The following ERCC1 variants were observed in gnomAD, a reference collection of about 807,000 sequenced individuals.
ERCC1 encodes ERCC excision repair 1, endonuclease non-catalytic subunit.
A neutral mutation model predicts 37.6 loss-of-function variants in ERCC1; 36 were observed. The ratio of observed to expected loss-of-function variants is 0.96; its 90% CI spans 0.73 to 1.26. The LOEUF is 1.26. Among genes scored for constraint, ERCC1 ranks in the 50% most tolerant of loss-of-function variants. ERCC1 has a pLI of 0.00. For missense variants in ERCC1, 349 were observed against 376.5 expected (o/e 0.93, Z 0.60); for synonymous variants, 156 against 162.1 (o/e 0.96, Z 0.28).
intron 7 of ERCC1, chr19:45,414,614 G>T (rs1371397369): frequency 2.0e-6 from 1 of 497,730 alleles, no homozygotes; most frequent in East Asian, 3.7e-5. Flanking sequence ...ACGGGCCCTT[G>T]TTGAGCCTGG....
At chr19:45,443,846 A>G (rs577829313) in intron 1 of ERCC1, among the ~76,000 whole-genome samples, 2 of 151,780 alleles carry the variant, frequency 1.3e-5, no homozygotes, top group South Asian at 4.2e-4. Context: ...GTGGCCCTGC[A>G]GTTCGGTTCT....
At chr19:45,414,313 T>TA in intron 7 of ERCC1, 1 of 490,984 alleles carries the variant, frequency 2.0e-6, no homozygotes, top group Non-Finnish European at 3.7e-6. Flanking sequence ...CCATCTTTAC[T>TA]AAAAAATACA....
chr19:45,408,494 A>C lies in ERCC1; in HGVS notation c.*1181T>G. ...CAACCTGCTCACCTCAGGGAAGAAG[A>C]AAAAGGAGATGCAGGTGACAGAGGC... On this transcript the variant is annotated 3_prime_UTR_variant, in exon 10 of 10. Transcript: ENST00000300853. 6.2e-7 allele frequency: 1 copy of C among 1,613,936 alleles called. No individual in the cohort carries two copies. The highest frequency in any genetic ancestry group is 8.5e-7 in the Non-Finnish European group (1 of 1,179,942).
At chr19:45,437,004 C>T (rs1974997312) in intron 1 of ERCC1, among the ~76,000 whole-genome samples, 1 of 151,980 alleles carries the variant, frequency 6.6e-6, no homozygotes, top group Admixed American at 6.6e-5. Flanking sequence ...AATCCCAGCA[C>T]TTTGGGAGGC....
At position 45,451,368 on chromosome 19, in the gene ERCC1, G is replaced by T. The variant is rs1469595947; in HGVS notation, c.-8+27368C>A. 2.6e-5 allele frequency among the ~76,000 whole-genome samples: 4 copies of T among 151,656 alleles called. No individual in the cohort carries two copies. The East Asian group carries it at 7.9e-4, about 30-fold the overall frequency. On this transcript the variant is annotated intron_variant, in intron 1 of 8. Coordinates refer to the ERCC1 transcript ENST00000423698. ...TTCCGGGTGCATTGTTGCGGTTGGG[G>T]TCCCCACCAGGGGAGACAGACAGAC...
In ERCC1 at chr19:45,446,747, C is replaced by T. The variant is rs187089036; in HGVS notation, c.-7-23366G>A. 2.0e-5 allele frequency among the ~76,000 whole-genome samples: 3 copies of T among 152,274 alleles called. No individual in the cohort carries two copies. In the East Asian group the frequency reaches 5.8e-4, roughly 29 times the overall value. ...GGGAGAGGTGGCTCACAACTGTAAT[C>T]CCGGAACTTTGGGAGGCCAAGGCGG... On this transcript the variant is annotated intron_variant, in intron 1 of 8. Transcript: ENST00000423698.
chr19:45,425,260 G>A (rs1331293318), upstream of ERCC1, among the ~76,000 whole-genome samples: 1 of 151,170 alleles, frequency 6.6e-6, no homozygotes, highest in Non-Finnish European at 1.5e-5. Context: ...TTTTATCTAC[G>A]TAAAAGATAA....
Position 45,423,883 on chromosome 19 carries a change from C to CA in ERCC1, c.-111dup. 4.5e-6 allele frequency: 5 copies of CA among 1,106,224 alleles called. No individual in the cohort carries two copies. Among genetic ancestry groups the CA allele is most frequent in the Non-Finnish European group, 5.5e-6 (5 of 901,984 alleles). 68.5% of individuals were successfully genotyped at this position (1,106,224 alleles called of 1,614,324 possible). On this transcript the variant is annotated 5_prime_UTR_variant, in exon 1 of 10. Transcript: ENST00000300853. ...AGGGATCGAGGCGGCCCACTGCCAG[C>CA]ACGGCCAGCGTGGCCCAGGGCTCGC...
chr19:45,425,004 C>G (rs1187175404), upstream of ERCC1, among the ~76,000 whole-genome samples: 4 of 150,456 alleles, frequency 2.7e-5, no homozygotes, highest in African/African-American at 9.8e-5. Context: ...TTCACTGCAC[C>G]TCCCCCTCCC....
At chr19:45,431,103 C>T (rs755171365) in intron 1 of ERCC1, among the ~76,000 whole-genome samples, 20 of 152,140 alleles carry the variant, frequency 1.3e-4, no homozygotes, top group Non-Finnish European at 1.8e-4. Context: ...TAGTCATGCA[C>T]CACCATGCCC....
chr19:45,428,327 G>A (rs1310924980), upstream of ERCC1, among the ~76,000 whole-genome samples: 3 of 151,682 alleles, frequency 2.0e-5, no homozygotes, highest in Non-Finnish European at 2.9e-5. Context: ...TCGAACTCCT[G>A]GGCTCAAGCG....
intron 1 of ERCC1, among the ~76,000 whole-genome samples, chr19:45,440,648 A>G (rs57661319): frequency 0.079 from 12,034 of 152,114 alleles, 1,537 homozygotes; most frequent in African/African-American, 0.27. Flanking sequence ...TTGTCACCAA[A>G]TTTGATCACT....
At chr19:45,424,632 G>A (rs567064662), upstream of ERCC1, among the ~76,000 whole-genome samples, 6 of 152,294 alleles carry the variant, frequency 3.9e-5, no homozygotes, top group East Asian at 3.9e-4. Flanking sequence ...TGTCTTCTGT[G>A]AATTGCTTGC....
Position 45,408,985 on chromosome 19 carries a change from G to A in ERCC1, c.*690C>T. 1 of 1,614,112 alleles carries A rather than the reference G, an allele frequency of 6.2e-7. No individual in the cohort carries two copies. The highest frequency in any genetic ancestry group is 8.5e-7 in the Non-Finnish European group (1 of 1,180,026). On this transcript the variant is annotated 3_prime_UTR_variant, in exon 10 of 10. Coordinates refer to ENST00000300853, the MANE Select transcript of ERCC1 (RefSeq NM_001983.4). ...AAAAAGAAAAGGGACAGATGGCAAT[G>A]ATGGAGCCAGGGACGGAGGCGATGG...
upstream of ERCC1, among the ~76,000 whole-genome samples, chr19:45,427,727 G>A (rs886722061): frequency 6.6e-6 from 1 of 152,214 alleles, no homozygotes; most frequent in African/African-American, 2.4e-5. Context: ...TCCCCTTGGG[G>A]AATGGAATTG....
rs1237369487 is a variant in ERCC1, at chr19:45,419,193, G to A, written c.430C>T (p.Arg144Cys). The A allele has an allele frequency of 4.4e-6, 7 of 1,589,042 alleles. No individual in the cohort carries two copies. The highest frequency in any genetic ancestry group is 4.5e-5 in the East Asian group (2 of 44,120). The change falls in exon 5 of 10, where the codon CGC becomes TGC. Residue 144 changes from arginine to cysteine, a missense_variant. By Grantham distance (180) the Arg-to-Cys change is radical. Transcript: ENST00000300853. ...QSTCALFLSL[R>C]YHNLHPDYIH... ...TAGTCTGGGTGCAGGTTGTGGTAGC[G>A]GAGGCTGGTGGGGGCAGGGAGCGGG...
chr19:45,423,702 G>A, intron 1 of ERCC1, 79 bp downstream of exon 1: 1 of 1,209,808 alleles, frequency 8.3e-7, no homozygotes. Flanking sequence ...CCCCACGCCT[G>A]GCCTTGTCCA....
chr19:45,446,661 A>C (rs999607032), intron 1 of ERCC1, among the ~76,000 whole-genome samples: 6 of 151,818 alleles, frequency 4.0e-5, no homozygotes, highest in Non-Finnish European at 8.8e-5. Flanking sequence ...GGGCCCCAGG[A>C]CTCCCGGAGC....
Position 45,408,486 on chromosome 19 carries a change from G to A in ERCC1, c.*1189C>T. On this transcript the variant is annotated 3_prime_UTR_variant, in exon 10 of 10. Coordinates refer to ENST00000300853, the MANE Select transcript of ERCC1 (RefSeq NM_001983.4). Reference sequence around the variant, plus strand: ...TTGGCCCCCAACCTGCTCACCTCAGGGAAGAAGAAAAAGGAGATGCAGGTG... The same window carrying A: ...TTGGCCCCCAACCTGCTCACCTCAGAGAAGAAGAAAAAGGAGATGCAGGTG... The A allele has an allele frequency of 6.2e-7, 1 of 1,613,966 alleles. No individual in the cohort carries two copies. Among genetic ancestry groups the A allele is most frequent in the Non-Finnish European group, 8.5e-7 (1 of 1,179,978 alleles).
Sources: gnomAD v4.1 joint callset for allele counts (sites outside exome capture counted in the v4.1 genomes callset) on GRCh38, gnomAD v4.1.1 for gene constraint, MANE v1.5 for transcripts, NCBI Gene and HGNC (gene_info 2026-07-23, HGNC 2026-07-21) for gene names.